MAP3K13: variants seen among roughly 807,000 people sequenced by gnomAD.
The protein encoded by MAP3K13 is leucine zipper-bearing kinase.
MAP3K13 carries 52 observed loss-of-function variants against 104.0 expected under a neutral mutation model. The ratio of observed to expected loss-of-function variants is 0.50; its 90% CI spans 0.40 to 0.63. MAP3K13 has a LOEUF of 0.63. Ranked by LOEUF, MAP3K13 falls within the 20% of genes least tolerant of loss-of-function variation. The probability of loss-of-function intolerance (pLI) is 0.00; values close to 1 mark genes in which losing one functional copy is unlikely to be tolerated. For missense variants in MAP3K13, 914 were observed against 1,218.5 expected (o/e 0.75, Z 3.72); for synonymous variants, 394 against 442.2 (o/e 0.89, Z 1.37).
chr3:185,321,686 C>G (rs1233402742), intron 2 of MAP3K13, among the ~76,000 whole-genome samples: 2 of 152,206 alleles, frequency 1.3e-5, no homozygotes, highest in Non-Finnish European at 2.9e-5. Flanking sequence ...TCACTGTAAC[C>G]TCTGCCTCCT....
At chr3:185,327,200 C>A (rs1045786384) in intron 2 of MAP3K13, among the ~76,000 whole-genome samples, 1 of 152,122 alleles carries the variant, frequency 6.6e-6, no homozygotes, top group African/African-American at 2.4e-5. Context: ...TCGAAGCCAG[C>A]GAGAGCTAGT....
At chr3:185,331,644 T>C (rs1047876104) in intron 2 of MAP3K13, among the ~76,000 whole-genome samples, 3 of 152,112 alleles carry the variant, frequency 2.0e-5, no homozygotes, top group Non-Finnish European at 2.9e-5. Flanking sequence ...TGACAACTGG[T>C]GTCATTAAAA....
intron 1 of MAP3K13, among the ~76,000 whole-genome samples, chr3:185,367,623 G>T (rs1306756993): frequency 6.6e-6 from 1 of 151,090 alleles, no homozygotes; most frequent in Admixed American, 6.6e-5. Context: ...TTTAAACAAG[G>T]TCTCCCTCTG....
chr3:185,429,134 A>G (rs1714605029), intron 2 of MAP3K13, 78 bp downstream of exon 2: 1 of 1,386,754 alleles, frequency 7.2e-7, no homozygotes, highest in African/African-American at 1.4e-5. Context: ...CATTAGCTGG[A>G]TAACCTATGA....
At chr3:185,457,935 T>A (rs1716861942) in intron 7 of MAP3K13, among the ~76,000 whole-genome samples, 3 of 152,170 alleles carry the variant, frequency 2.0e-5, no homozygotes, top group Admixed American at 1.3e-4. Flanking sequence ...AGTCACTCAG[T>A]TACACTAAAC....
upstream of MAP3K13, among the ~76,000 whole-genome samples, chr3:185,362,510 A>T (rs4075943): frequency 0.72 from 109,951 of 152,096 alleles, 42,188 homozygotes; most frequent in Non-Finnish European, 0.86. Flanking sequence ...TTCCATATCC[A>T]CTTTTGATAC....
upstream of MAP3K13, among the ~76,000 whole-genome samples, chr3:185,359,928 C>T (rs1487294399): frequency 2.0e-5 from 3 of 150,616 alleles, no homozygotes; most frequent in Non-Finnish European, 4.4e-5. Flanking sequence ...TTTAAAAACA[C>T]ATTTTTTTCC....
At chr3:185,361,591 A>G (rs1723629414), upstream of MAP3K13, among the ~76,000 whole-genome samples, 1 of 152,036 alleles carries the variant, frequency 6.6e-6, no homozygotes, top group South Asian at 2.1e-4. Flanking sequence ...TTTTTAGTAG[A>G]GACGGGGTTT....
At chr3:185,286,575 T>C (rs1194010232) in intron 2 of MAP3K13, among the ~76,000 whole-genome samples, 1 of 151,860 alleles carries the variant, frequency 6.6e-6, no homozygotes, top group Non-Finnish European at 1.5e-5. Flanking sequence ...TTATACAGAG[T>C]AATACTTTGC....
intron 2 of MAP3K13, among the ~76,000 whole-genome samples, chr3:185,305,497 T>G (rs1004375939): frequency 2.0e-5 from 3 of 152,192 alleles, no homozygotes; most frequent in African/African-American, 7.2e-5. Flanking sequence ...TTTTATCTTT[T>G]AAATTCTACA....
chr3:185,455,017 G>GATATATATGAGATATATATGAT (rs1560118163), intron 7 of MAP3K13, among the ~76,000 whole-genome samples: 2 of 17,776 alleles, frequency 1.1e-4, no homozygotes, highest in African/African-American at 2.4e-4. Context: ...AGATATATAT[G>GATATATATGAGATATATATGAT]ATATATATGA....
At chr3:185,285,721 A>T in intron 2 of MAP3K13, 1 of 1,230,972 alleles carries the variant, frequency 8.1e-7, no homozygotes. Context: ...ATAGGATTGT[A>T]ATTGAAAAGT....
chr3:185,370,247 T>A (rs992329366), intron 1 of MAP3K13, among the ~76,000 whole-genome samples: 1 of 152,158 alleles, frequency 6.6e-6, no homozygotes, highest in Non-Finnish European at 1.5e-5. Flanking sequence ...CAGGCTGGAG[T>A]GCACTGGCGT....
intron 2 of MAP3K13, among the ~76,000 whole-genome samples, chr3:185,302,201 G>A (rs1406939053): frequency 2.0e-5 from 3 of 151,158 alleles, no homozygotes; most frequent in Non-Finnish European, 4.4e-5. Context: ...TCAGGAGTTC[G>A]AGACCAGCCT....
intron 2 of MAP3K13, among the ~76,000 whole-genome samples, chr3:185,309,709 G>A: frequency 6.6e-6 from 1 of 152,144 alleles, no homozygotes; most frequent in East Asian, 1.9e-4. Context: ...ACTGATTATG[G>A]GGGCAGGGTA....
chr3:185,324,434 G>A (rs1448914102), intron 2 of MAP3K13, among the ~76,000 whole-genome samples: 1 of 151,714 alleles, frequency 6.6e-6, no homozygotes, highest in African/African-American at 2.4e-5. Context: ...TTATTTTCTC[G>A]CTTTAAAATC....
intron 12 of MAP3K13, among the ~76,000 whole-genome samples, chr3:185,479,728 G>A (rs1718336929): frequency 6.6e-6 from 1 of 152,166 alleles, no homozygotes; most frequent in Non-Finnish European, 1.5e-5. Flanking sequence ...TAAACAACAG[G>A]AACTTATTTC....
chr3:185,287,012 G>A (rs1271591432), intron 2 of MAP3K13, among the ~76,000 whole-genome samples: 2 of 152,058 alleles, frequency 1.3e-5, no homozygotes, highest in African/African-American at 4.8e-5. Flanking sequence ...AAGAAGTAGG[G>A]TTACACAAAT....
intron 10 of MAP3K13, among the ~76,000 whole-genome samples, chr3:185,471,074 C>T (rs1203823516): frequency 6.6e-6 from 1 of 152,112 alleles, no homozygotes; most frequent in African/African-American, 2.4e-5. Flanking sequence ...AATGATCTCC[C>T]ATAGAAACTC....
Sources: gnomAD v4.1 joint callset for allele counts (sites outside exome capture counted in the v4.1 genomes callset) on GRCh38, gnomAD v4.1.1 for gene constraint, MANE v1.5 for transcripts, NCBI Gene and HGNC (gene_info 2026-07-23, HGNC 2026-07-21) for gene names.